CSMD1: variants seen among roughly 807,000 people sequenced by gnomAD.
CSMD1 encodes the protein CUB and sushi domain-containing protein 1.
Under a neutral mutation model 417.5 loss-of-function variants are expected in CSMD1, and 213 were observed. The ratio of observed to expected loss-of-function variants is 0.51; its 90% CI spans 0.46 to 0.57. The LOEUF (loss-of-function observed/expected upper bound fraction) is 0.57, where lower values mean the gene tolerates loss of function less well. Among genes scored for constraint, CSMD1 ranks in the 20% least tolerant of loss-of-function variants. The pLI is 0.00. For synonymous variants in CSMD1, 2,862 were observed against 1,736.8 expected (o/e 1.65, Z -16.11); for missense variants, 6,923 against 4,529.7 (o/e 1.53, Z -15.17).
At chr8:4,366,053 A>T (rs1367534957) in intron 3 of CSMD1, among the ~76,000 whole-genome samples, 1 of 152,070 alleles carries the variant, frequency 6.6e-6, no homozygotes, top group Non-Finnish European at 1.5e-5. Flanking sequence ...TACCTGACAG[A>T]TAGCCTTCCA....
chr8:4,449,381 T>A (rs1226335918), intron 2 of CSMD1, among the ~76,000 whole-genome samples: 3 of 152,174 alleles, frequency 2.0e-5, no homozygotes, highest in Non-Finnish European at 4.4e-5. Flanking sequence ...TTCTGGTGTA[T>A]AACATAAGAG....
At chr8:3,046,627 G>A (rs537887921) in intron 50 of CSMD1, among the ~76,000 whole-genome samples, 3 of 152,202 alleles carry the variant, frequency 2.0e-5, no homozygotes, top group Non-Finnish European at 4.4e-5. Flanking sequence ...TGTACCCCCA[G>A]GCAGGCCTTG....
intron 2 of CSMD1, among the ~76,000 whole-genome samples, chr8:4,457,142 T>C (rs1458926860): frequency 6.6e-6 from 1 of 152,276 alleles, no homozygotes; most frequent in Non-Finnish European, 1.5e-5. Flanking sequence ...TTCCTATACC[T>C]TTTGATACCA....
intron 1 of CSMD1, among the ~76,000 whole-genome samples, chr8:4,652,549 G>C (rs904784626): frequency 6.6e-6 from 1 of 152,026 alleles, no homozygotes; most frequent in Admixed American, 6.6e-5. Flanking sequence ...CTACTCAGCA[G>C]GTTGAGGCAG....
intron 18 of CSMD1, among the ~76,000 whole-genome samples, chr8:3,383,661 A>G (rs893227907): frequency 1.3e-5 from 2 of 152,130 alleles, no homozygotes; most frequent in South Asian, 2.1e-4. Context: ...AAGACTTACA[A>G]TGTGTAGATC....
At chr8:4,786,839 C>G (rs9314540) in intron 1 of CSMD1, among the ~76,000 whole-genome samples, 25 of 152,084 alleles carry the variant, frequency 1.6e-4, no homozygotes, top group African/African-American at 6.0e-4. Flanking sequence ...ACAATTCAGA[C>G]TATGAATGAT....
At chr8:4,659,385 A>T (rs1457063877) in intron 1 of CSMD1, among the ~76,000 whole-genome samples, 1 of 152,180 alleles carries the variant, frequency 6.6e-6, no homozygotes, top group African/African-American at 2.4e-5. Flanking sequence ...ATATATTTAA[A>T]AATGCAGAAC....
At chr8:4,187,006 T>C (rs940713306) in intron 3 of CSMD1, among the ~76,000 whole-genome samples, 2 of 152,010 alleles carry the variant, frequency 1.3e-5, no homozygotes, top group African/African-American at 4.8e-5. Flanking sequence ...AAAAATAAAA[T>C]AACAAGTGTT....
intron 3 of CSMD1, among the ~76,000 whole-genome samples, chr8:4,305,290 C>G (rs534759874): frequency 2.6e-5 from 4 of 152,136 alleles, no homozygotes; most frequent in African/African-American, 4.8e-5. Flanking sequence ...GCTGCATCAG[C>G]CTCCCGCTAG....
chr8:4,799,813 G>C (rs964619840), intron 1 of CSMD1, among the ~76,000 whole-genome samples: 10 of 151,796 alleles, frequency 6.6e-5, no homozygotes, highest in Non-Finnish European at 1.0e-4. Flanking sequence ...AATATGCAAA[G>C]AGATAAGTAT....
rs921157413 is a variant in CSMD1, at chr8:3,241,802, A to G, written c.4154-11571T>C. ...CTCACAGTGGAGGCAAGGAACTGCA[A>G]CTTAGAAATATGTTGCTTCTTGGCT... On this transcript the variant is annotated intron_variant, in intron 26 of 69. Coordinates refer to ENST00000635120, the MANE Select transcript of CSMD1 (RefSeq NM_033225.6). Among the ~76,000 whole-genome samples, 16 of 152,256 alleles carry G rather than the reference A, an allele frequency of 1.1e-4. No homozygotes were observed. The East Asian group carries it at 3.1e-3, about 29-fold the overall frequency.
At chr8:3,348,184 G>T in intron 21 of CSMD1, 23 bp from the exon 22 acceptor site, 1 of 1,589,020 alleles carries the variant, frequency 6.3e-7, no homozygotes, top group Non-Finnish European at 8.6e-7. Context: ...GGACATGAGA[G>T]AAAGAGGATT....
chr8:4,496,309 G>T (rs1441908149), intron 2 of CSMD1, among the ~76,000 whole-genome samples: 1 of 152,196 alleles, frequency 6.6e-6, no homozygotes. Context: ...CAATGGTTCA[G>T]GATCAAAGGA....
chr8:3,253,967 C>A (rs564327572), intron 26 of CSMD1, among the ~76,000 whole-genome samples: 1 of 152,122 alleles, frequency 6.6e-6, no homozygotes, highest in African/African-American at 2.4e-5. Context: ...TTCTTCCTAG[C>A]CTTGATGGTC....
intron 3 of CSMD1, among the ~76,000 whole-genome samples, chr8:4,389,693 T>C (rs1390878694): frequency 6.6e-6 from 1 of 152,176 alleles, no homozygotes; most frequent in African/African-American, 2.4e-5. Context: ...GTAAACACAT[T>C]CTAAGATTTT....
At chr8:4,021,604 A>C (rs1053080225) in intron 4 of CSMD1, among the ~76,000 whole-genome samples, 10 of 152,060 alleles carry the variant, frequency 6.6e-5, no homozygotes, top group Admixed American at 5.9e-4. Flanking sequence ...GATGCCCTCA[A>C]ATGACTTATC....
At chr8:3,983,657 G>C (rs927334944) in intron 5 of CSMD1, among the ~76,000 whole-genome samples, 2 of 152,202 alleles carry the variant, frequency 1.3e-5, no homozygotes, top group Non-Finnish European at 2.9e-5. Flanking sequence ...TCATGATAGA[G>C]ATCATGTGGA....
At chr8:3,756,048 C>G (rs1484065455) in intron 5 of CSMD1, among the ~76,000 whole-genome samples, 1 of 152,012 alleles carries the variant, frequency 6.6e-6, no homozygotes, top group Non-Finnish European at 1.5e-5. Context: ...ACTTACTGAA[C>G]TTACAGGTAC....
intron 5 of CSMD1, among the ~76,000 whole-genome samples, chr8:3,970,655 A>C (rs1248192501): frequency 6.6e-6 from 1 of 152,220 alleles, no homozygotes; most frequent in African/African-American, 2.4e-5. Flanking sequence ...AAACATGAAC[A>C]TCAAGTAGCA....
Sources: gnomAD v4.1 joint callset for allele counts (sites outside exome capture counted in the v4.1 genomes callset) on GRCh38, gnomAD v4.1.1 for gene constraint, MANE v1.5 for transcripts, NCBI Gene and HGNC (gene_info 2026-07-23, HGNC 2026-07-21) for gene names.